Variants in DSE observed in about 807,000 individuals in gnomAD.
DSE encodes dermatan sulfate epimerase.
A neutral mutation model predicts 84.4 loss-of-function variants in DSE; 36 were observed. That is an observed-to-expected ratio of 0.43 (90% CI 0.33 to 0.56). The LOEUF (loss-of-function observed/expected upper bound fraction) is 0.56, where lower values mean the gene tolerates loss of function less well. Among genes scored for constraint, DSE ranks in the 20% least tolerant of loss-of-function variants. DSE has a pLI of 0.06. For synonymous variants in DSE, 410 were observed against 430.1 expected, an observed-to-expected ratio of 0.95 and a Z score of 0.58; for missense variants, 862 against 1,169.6, an observed-to-expected ratio of 0.74 and a Z score of 3.84.
chr6:116,338,272 G>A (rs1242432683), intron 2 of DSE, among the ~76,000 whole-genome samples: 3 of 138,672 alleles, frequency 2.2e-5, no homozygotes, highest in Non-Finnish European at 3.0e-5. Flanking sequence ...GCCCAGGCTG[G>A]AGTGCAGTGG....
At chr6:116,342,983 C>G (rs1032321701) in intron 2 of DSE, among the ~76,000 whole-genome samples, 2 of 152,186 alleles carry the variant, frequency 1.3e-5, no homozygotes, top group African/African-American at 4.8e-5. Context: ...GCAAATGGCA[C>G]TCCTGGAGAT....
At chr6:116,279,640 G>A (rs1773376135) in intron 2 of DSE, 1 of 1,604,616 alleles carries the variant, frequency 6.2e-7, no homozygotes, top group Non-Finnish European at 8.5e-7. Flanking sequence ...CTCCTCTGAA[G>A]GCGGTGGAGG....
chr6:116,270,950 C>A (rs1379737623), intron 2 of DSE, among the ~76,000 whole-genome samples: 1 of 152,132 alleles, frequency 6.6e-6, no homozygotes, highest in East Asian at 1.9e-4. Context: ...ACTGCAACTA[C>A]AAAATGAGAG....
At chr6:116,301,054 G>A (rs1775006922) in intron 2 of DSE, among the ~76,000 whole-genome samples, 1 of 151,782 alleles carries the variant, frequency 6.6e-6, no homozygotes, top group African/African-American at 2.4e-5. Context: ...AAACATGGAA[G>A]AAGGTCCTAA....
chr6:116,261,262 C>T (rs749696308), intron 2 of DSE, among the ~76,000 whole-genome samples: 34 of 152,066 alleles, frequency 2.2e-4, no homozygotes, highest in Non-Finnish European at 4.4e-4. Flanking sequence ...GAGTCTCACT[C>T]TGTCACCTAG....
At chr6:116,368,921 GGGGT>G (rs1779326967), upstream of DSE, among the ~76,000 whole-genome samples, 1 of 151,058 alleles carries the variant, frequency 6.6e-6, no homozygotes, top group African/African-American at 2.4e-5. Context: ...TTACTGTAAT[GGGGT>G]GGGCGGGGGC....
upstream of DSE, among the ~76,000 whole-genome samples, chr6:116,365,388 G>A (rs767113941): frequency 6.6e-6 from 1 of 152,036 alleles, no homozygotes; most frequent in Non-Finnish European, 1.5e-5. Flanking sequence ...CAAGTAGCTG[G>A]GACTACAAGC....
chr6:116,279,856 G>C, intron 2 of DSE: 1 of 1,613,034 alleles, frequency 6.2e-7, no homozygotes, highest in Non-Finnish European at 8.5e-7. Context: ...ACCAACCGCA[G>C]GCGAACGCCC....
At chr6:116,372,331 G>A (rs1200270741) in intron 1 of DSE, among the ~76,000 whole-genome samples, 2 of 152,242 alleles carry the variant, frequency 1.3e-5, no homozygotes, top group East Asian at 1.9e-4. Flanking sequence ...AGCCGGGCGT[G>A]GTGGCGGGCG....
chr6:116,397,019 T>C (rs1781293535), intron 1 of DSE, among the ~76,000 whole-genome samples: 1 of 152,070 alleles, frequency 6.6e-6, no homozygotes, highest in Non-Finnish European at 1.5e-5. Context: ...ATTCAAAAGC[T>C]GGTAGTTGAG....
intron 1 of DSE, among the ~76,000 whole-genome samples, chr6:116,372,442 T>C (rs1779658280): frequency 6.6e-6 from 1 of 152,240 alleles, no homozygotes; most frequent in Non-Finnish European, 1.5e-5. Flanking sequence ...CTCTCCAGCC[T>C]GGGCGACAGG....
intron 1 of DSE, among the ~76,000 whole-genome samples, chr6:116,381,083 G>C (rs1040848324): frequency 3.9e-4 from 60 of 152,028 alleles, no homozygotes; most frequent in African/African-American, 1.4e-3. Flanking sequence ...CACCTTCATG[G>C]CTGGCACCGT....
At chr6:116,315,561 A>T (rs1353551011) in intron 2 of DSE, among the ~76,000 whole-genome samples, 2 of 152,178 alleles carry the variant, frequency 1.3e-5, no homozygotes, top group African/African-American at 4.8e-5. Flanking sequence ...AGTGGGGCAG[A>T]GTTGGGAATT....
intron 2 of DSE, among the ~76,000 whole-genome samples, chr6:116,331,707 C>A (rs2114792003): frequency 6.6e-6 from 1 of 152,210 alleles, no homozygotes; most frequent in South Asian, 2.1e-4. Flanking sequence ...GCCTGTAGTC[C>A]CAGCACTTTG....
chr6:116,380,832 A>G (rs1322322623), intron 1 of DSE, among the ~76,000 whole-genome samples: 1 of 152,180 alleles, frequency 6.6e-6, no homozygotes, highest in Non-Finnish European at 1.5e-5. Flanking sequence ...ATAACTCAGT[A>G]TGCACATAGT....
chr6:116,273,840 T>TG (rs1273348925), intron 2 of DSE, among the ~76,000 whole-genome samples: 58 of 151,116 alleles, frequency 3.8e-4, no homozygotes, highest in African/African-American at 1.3e-3. Flanking sequence ...TTTTGTTTTT[T>TG]TTTTTTTTTG....
chr6:116,419,723 A>T (rs1195016993), intron 2 of DSE, among the ~76,000 whole-genome samples: 1 of 152,224 alleles, frequency 6.6e-6, no homozygotes, highest in Admixed American at 6.5e-5. Flanking sequence ...TAATTTTTGT[A>T]AAGCTTGTTT....
At chr6:116,278,757 G>T (rs758865548) in intron 2 of DSE, 3 of 1,614,160 alleles carry the variant, frequency 1.9e-6, no homozygotes, top group Non-Finnish European at 2.5e-6. Context: ...CATGCCCCCT[G>T]CGCCATATAA....
At chr6:116,424,645 G>GA (rs1477369871) in intron 2 of DSE, among the ~76,000 whole-genome samples, 1 of 151,944 alleles carries the variant, frequency 6.6e-6, no homozygotes, top group Non-Finnish European at 1.5e-5. Context: ...CAATAGTGAA[G>GA]AAAAAAGTCC....
Sources: gnomAD v4.1 joint callset for allele counts (sites outside exome capture counted in the v4.1 genomes callset) on GRCh38, gnomAD v4.1.1 for gene constraint, MANE v1.5 for transcripts, NCBI Gene and HGNC (gene_info 2026-07-23, HGNC 2026-07-21) for gene names.